Variants in TTC39C observed in about 807,000 individuals in gnomAD.
TTC39C encodes the protein tetratricopeptide repeat domain 39C.
In TTC39C, 33 loss-of-function variants were observed where a neutral mutation model predicts 76.3. The observed-to-expected ratio is 0.43, with a 90% CI of 0.33 to 0.58. The LOEUF (loss-of-function observed/expected upper bound fraction) is 0.58. Ranked by LOEUF, TTC39C falls within the 20% of genes least tolerant of loss-of-function variation. The pLI is 0.04. For missense variants in TTC39C, 595 were observed against 701.4 expected, an observed-to-expected ratio of 0.85 and a Z score of 1.71; for synonymous variants, 254 against 260.6, an observed-to-expected ratio of 0.97 and a Z score of 0.24.
chr18:24,132,336 G>A (rs1200912430), intron 13 of TTC39C, 149 bp from the exon 14 acceptor site: 3 of 598,268 alleles, frequency 5.0e-6, no homozygotes, highest in African/African-American at 3.8e-5. Context: ...TGAGGTTTGA[G>A]TAATATGAAA....
intron 1 of TTC39C, among the ~76,000 whole-genome samples, chr18:24,058,373 G>A (rs2084044016): frequency 6.6e-6 from 1 of 152,158 alleles, no homozygotes; most frequent in African/African-American, 2.4e-5. Flanking sequence ...ATTCATTAGA[G>A]GCTGGACGCA....
chr18:24,041,541 T>A (rs553752321), intron 1 of TTC39C, among the ~76,000 whole-genome samples: 1 of 152,224 alleles, frequency 6.6e-6, no homozygotes, highest in Non-Finnish European at 1.5e-5. Flanking sequence ...GTTCATGGTC[T>A]TTCAGGAATA....
At chr18:23,995,441 G>A (rs1269447552) in intron 1 of TTC39C, among the ~76,000 whole-genome samples, 1 of 152,088 alleles carries the variant, frequency 6.6e-6, no homozygotes, top group African/African-American at 2.4e-5. Context: ...CTGCACTTCA[G>A]CTTGGGCGAC....
At chr18:24,128,505 G>T (rs1228249009) in intron 10 of TTC39C, among the ~76,000 whole-genome samples, 1 of 151,744 alleles carries the variant, frequency 6.6e-6, no homozygotes, top group Non-Finnish European at 1.5e-5. Context: ...GGAAATAATG[G>T]TGTTACTTCC....
chr18:24,075,275 T>G (rs1409437537), intron 4 of TTC39C, among the ~76,000 whole-genome samples: 1 of 151,730 alleles, frequency 6.6e-6, no homozygotes, highest in African/African-American at 2.4e-5. Context: ...ATTGTGCACA[T>G]GTACGCTAGA....
At chr18:24,034,870 T>A (rs1034806137) in intron 1 of TTC39C, among the ~76,000 whole-genome samples, 1 of 152,230 alleles carries the variant, frequency 6.6e-6, no homozygotes, top group Non-Finnish European at 1.5e-5. Context: ...GTTTATCCAT[T>A]CATCCATTAA....
At chr18:24,031,412 C>T (rs1038298332) in intron 1 of TTC39C, among the ~76,000 whole-genome samples, 2 of 152,190 alleles carry the variant, frequency 1.3e-5, no homozygotes, top group African/African-American at 4.8e-5. Context: ...AATAGTATTA[C>T]GTGGACCTAG....
At chr18:24,128,070 G>A (rs200678848) in intron 10 of TTC39C, among the ~76,000 whole-genome samples, 2 of 151,284 alleles carry the variant, frequency 1.3e-5, no homozygotes, top group African/African-American at 4.8e-5. Context: ...CTGTGCCTTT[G>A]CACTTGCTCT....
chr18:24,051,981 C>T (rs149073685), intron 1 of TTC39C, among the ~76,000 whole-genome samples: 79 of 152,220 alleles, frequency 5.2e-4, no homozygotes, highest in Non-Finnish European at 1.1e-3. Context: ...TGGGGACTTC[C>T]ATTTATTCAA....
chr18:24,114,604 A>C lies in TTC39C; in HGVS notation c.1035A>C (p.Ala345=). 8 of 1,614,050 alleles carry C rather than the reference A, an allele frequency of 5.0e-6. No individual in the cohort carries two copies. Among genetic ancestry groups the C allele is most frequent in the Non-Finnish European group, 6.8e-6 (8 of 1,179,966 alleles). The part of the protein sequence containing the change: ...LTSFHTALEL[A]VDQREIQHVC... The stretch of plus-strand genomic sequence containing the variant: ...CTTTCCACACTGCTTTGGAACTTGC[A>C]GTAGACCAGAGAGAAATTCAACATG... The change falls in exon 7 of 14, where the codon GCA becomes GCC. Residue 345 remains alanine, a synonymous_variant. Coordinates refer to ENST00000317571, the MANE Select transcript of TTC39C (RefSeq NM_001135993.2).
intron 6 of TTC39C, among the ~76,000 whole-genome samples, chr18:24,096,231 C>T (rs939210782): frequency 1.3e-5 from 2 of 152,076 alleles, no homozygotes; most frequent in Non-Finnish European, 2.9e-5. Context: ...TTGCCACACA[C>T]CTTCAATTTG....
At chr18:24,019,888 T>C in intron 1 of TTC39C, 1 of 1,527,038 alleles carries the variant, frequency 6.5e-7, no homozygotes, top group Non-Finnish European at 8.7e-7. Context: ...TGAGAAAACC[T>C]CAGCGCTTCC....
intron 1 of TTC39C, among the ~76,000 whole-genome samples, chr18:24,037,235 C>T (rs1458105291): frequency 2.0e-5 from 3 of 152,142 alleles, no homozygotes; most frequent in African/African-American, 7.2e-5. Flanking sequence ...TTATTAAGAT[C>T]AGTTTGTATG....
At chr18:24,092,960 T>C (rs2084543910) in intron 6 of TTC39C, among the ~76,000 whole-genome samples, 1 of 152,154 alleles carries the variant, frequency 6.6e-6, no homozygotes, top group South Asian at 2.1e-4. Context: ...CCCAGCTCTT[T>C]GGAAGGCTGA....
At chr18:24,119,124 AAT>A (rs2084934695) in intron 8 of TTC39C, among the ~76,000 whole-genome samples, 1 of 400 alleles carries the variant, frequency 2.5e-3, no homozygotes, top group Admixed American at 0.025. Context: ...TTCTGTTTTG[AAT>A]TAAGTGTTTT....
chr18:24,092,102 A>AT (rs1568434498), intron 6 of TTC39C, among the ~76,000 whole-genome samples: 38 of 122,230 alleles, frequency 3.1e-4, no homozygotes, highest in Admixed American at 8.8e-4. Context: ...CAAAAAAAAA[A>AT]AAAAAAAAAA....
chr18:24,102,495 A>G (rs1425836203), intron 6 of TTC39C, among the ~76,000 whole-genome samples: 1 of 152,242 alleles, frequency 6.6e-6, no homozygotes, highest in Non-Finnish European at 1.5e-5. Context: ...ACAAAAAAGC[A>G]AGAAAAAGAA....
chr18:24,014,750 C>T (rs2083427827), upstream of TTC39C: 6 of 1,150,362 alleles, frequency 5.2e-6, no homozygotes, highest in Non-Finnish European at 4.3e-6. Flanking sequence ...TTCTCCCCTC[C>T]CCTCCCCTCC....
intron 6 of TTC39C, among the ~76,000 whole-genome samples, chr18:24,101,524 A>G (rs78277641): frequency 0.071 from 10,737 of 150,366 alleles, 833 homozygotes; most frequent in East Asian, 0.24. Context: ...GTGCCACTGC[A>G]CTCCAGCCTG....
Sources: allele counts gnomAD v4.1 joint callset (sites outside exome capture counted in the v4.1 genomes callset), GRCh38; gene constraint gnomAD v4.1.1; transcripts MANE v1.5; gene names NCBI Gene and HGNC (gene_info 2026-07-23, HGNC 2026-07-21).